The following PTER variants were observed in gnomAD, a reference collection of about 807,000 sequenced individuals.
The protein encoded by PTER is N-acetyltaurine hydrolase.
In PTER, 38 loss-of-function variants were observed where a neutral mutation model predicts 29.6. That is an observed-to-expected ratio of 1.28 (90% CI 0.99 to 1.68). The LOEUF is 1.68. Among genes scored for constraint, PTER ranks in the 40% most tolerant of loss-of-function variants. PTER has a pLI of 0.00. For synonymous variants in PTER, 172 were observed against 154.5 expected, an observed-to-expected ratio of 1.11 and a Z score of -0.84; for missense variants, 482 against 427.8, an observed-to-expected ratio of 1.13 and a Z score of -1.12.
At chr10:16,514,943 C>G (rs1454751872), downstream of PTER, among the ~76,000 whole-genome samples, 1 of 152,114 alleles carries the variant, frequency 6.6e-6, no homozygotes, top group African/African-American at 2.4e-5. Context: ...TTCTGGCAGT[C>G]TTATCTAACT....
chr10:16,439,852 G>A (rs897417476), intron 1 of PTER, among the ~76,000 whole-genome samples: 3 of 152,142 alleles, frequency 2.0e-5, no homozygotes, highest in East Asian at 3.9e-4. Context: ...CGTGAGCCAC[G>A]GCAGCCAGCC....
chr10:16,483,161 A>G (rs1474868178), intron 1 of PTER, among the ~76,000 whole-genome samples: 1 of 152,258 alleles, frequency 6.6e-6, no homozygotes, highest in African/African-American at 2.4e-5. Flanking sequence ...AGTTCTTGGT[A>G]TCACTGATAG....
rs72001271 is a variant in PTER, at chr10:16,473,519, GAAAAAAAAAAAA to G, written c.-48-10801_-48-10790del. Among the ~76,000 whole-genome samples, 54 of 28,172 alleles carry G rather than the reference GAAAAAAAAAAAA, an allele frequency of 1.9e-3. No individual in the cohort carries two copies. The South Asian group carries it at 0.02, about 11-fold the overall frequency. 18.5% of individuals were successfully genotyped at this position (28,172 alleles called of 152,430 possible). On this transcript the variant is annotated intron_variant, in intron 1 of 4. Transcript: ENST00000535784. Reference sequence around the variant, plus strand: ...TGGGTGATAGAGTGAGACTCCATCCGAAAAAAAAAAAAAAAAAAAAAAAAAAAACAGTTAGTT... The same window carrying G: ...TGGGTGATAGAGTGAGACTCCATCCGAAAAAAAAAAAAAAAACAGTTAGTT...
downstream of PTER, chr10:16,514,719 A>C: frequency 6.3e-7 from 1 of 1,598,614 alleles, no homozygotes; most frequent in Non-Finnish European, 8.5e-7. Flanking sequence ...TATGTGAAAC[A>C]GACAAGAATT....
chr10:16,449,912 T>A (rs1355897815), intron 1 of PTER, among the ~76,000 whole-genome samples: 3 of 152,174 alleles, frequency 2.0e-5, no homozygotes, highest in Non-Finnish European at 4.4e-5. Context: ...TGGGTCATCT[T>A]TTGATTCACA....
At chr10:16,479,478 C>G (rs965242030) in intron 1 of PTER, among the ~76,000 whole-genome samples, 5 of 150,472 alleles carry the variant, frequency 3.3e-5, no homozygotes, top group Non-Finnish European at 5.9e-5. Context: ...AGTATTCAAA[C>G]AAGCTTTAAA....
intron 3 of PTER, among the ~76,000 whole-genome samples, chr10:16,504,786 C>G (rs1347440452): frequency 6.6e-6 from 1 of 152,176 alleles, no homozygotes; most frequent in Non-Finnish European, 1.5e-5. Flanking sequence ...GTCTGTAGTA[C>G]CCAAGTACTT....
intron 1 of PTER, among the ~76,000 whole-genome samples, chr10:16,441,600 C>T (rs1003368780): frequency 3.3e-5 from 5 of 152,142 alleles, no homozygotes; most frequent in African/African-American, 1.2e-4. Context: ...AATCCAGTCT[C>T]CCTAGAGGTT....
intron 1 of PTER, among the ~76,000 whole-genome samples, chr10:16,459,735 T>C (rs184642166): frequency 5.0e-4 from 76 of 150,518 alleles, no homozygotes; most frequent in Non-Finnish European, 8.4e-4. Context: ...TATTTATTTA[T>C]TTATTTATTT....
At chr10:16,508,164 G>A (rs1264784592) in intron 4 of PTER, among the ~76,000 whole-genome samples, 3 of 150,300 alleles carry the variant, frequency 2.0e-5, no homozygotes, top group Non-Finnish European at 4.4e-5. Flanking sequence ...TGCCTCCCAG[G>A]TTCACGCCAT....
intron 1 of PTER, among the ~76,000 whole-genome samples, chr10:16,460,325 A>C (rs1329064653): frequency 6.6e-6 from 1 of 152,234 alleles, no homozygotes; most frequent in African/African-American, 2.4e-5. Context: ...AAATACCTAC[A>C]TAGTTAGTAA....
At chr10:16,490,738 C>T (rs1835870076) in intron 3 of PTER, among the ~76,000 whole-genome samples, 1 of 150,112 alleles carries the variant, frequency 6.7e-6, no homozygotes, top group African/African-American at 2.5e-5. Flanking sequence ...CAAGATGATT[C>T]GTAAAGAAGA....
chr10:16,496,818 G>A (rs1836122384), intron 3 of PTER, among the ~76,000 whole-genome samples: 1 of 151,992 alleles, frequency 6.6e-6, no homozygotes, highest in Admixed American at 6.6e-5. Context: ...ATGGATAGAT[G>A]GATGGATAGA....
chr10:16,443,900 AT>A (rs1205294554), intron 1 of PTER, among the ~76,000 whole-genome samples: 1 of 152,146 alleles, frequency 6.6e-6, no homozygotes, highest in Non-Finnish European at 1.5e-5. Flanking sequence ...TCTTGTGCTC[AT>A]CTTGCTTAAA....
intron 3 of PTER, among the ~76,000 whole-genome samples, chr10:16,501,609 C>A (rs2133493974): frequency 6.6e-6 from 1 of 152,244 alleles, no homozygotes; most frequent in East Asian, 1.9e-4. Flanking sequence ...ATGGTAAATT[C>A]TCCATTTTTC....
intron 3 of PTER, among the ~76,000 whole-genome samples, chr10:16,495,315 C>T (rs991853756): frequency 6.6e-6 from 1 of 152,152 alleles, no homozygotes; most frequent in Middle Eastern, 3.4e-3. Context: ...AGATTACAAG[C>T]GTGCACTACC....
chr10:16,454,109 T>G (rs1411684705), intron 1 of PTER, among the ~76,000 whole-genome samples: 1 of 152,224 alleles, frequency 6.6e-6, no homozygotes, highest in East Asian at 1.9e-4. Context: ...TATTTTTTTG[T>G]GAGGGAGACA....
intron 3 of PTER, among the ~76,000 whole-genome samples, chr10:16,488,946 C>T (rs1382560717): frequency 6.6e-6 from 1 of 152,134 alleles, no homozygotes; most frequent in African/African-American, 2.4e-5. Context: ...CTTGGGATTC[C>T]TGAATGTAAG....
chr10:16,467,862 A>G (rs1413527110), intron 1 of PTER, among the ~76,000 whole-genome samples: 1 of 152,178 alleles, frequency 6.6e-6, no homozygotes, highest in East Asian at 1.9e-4. Flanking sequence ...GAGTGTGAAG[A>G]TACAGGAAAG....
Sources: allele counts gnomAD v4.1 joint callset (sites outside exome capture counted in the v4.1 genomes callset), GRCh38; gene constraint gnomAD v4.1.1; transcripts MANE v1.5; gene names NCBI Gene and HGNC (gene_info 2026-07-23, HGNC 2026-07-21).